Variants in HTR2B observed in about 807,000 individuals in gnomAD.
The protein encoded by HTR2B is 5-HT 2B receptor.
Under a neutral mutation model 39.8 loss-of-function variants are expected in HTR2B, and 31 were observed. That is an observed-to-expected ratio of 0.78 (90% confidence interval 0.58 to 1.05). The LOEUF is 1.05. Ranked by LOEUF, HTR2B falls within the 50% of genes least tolerant of loss-of-function variation. HTR2B has a pLI of 0.00. For synonymous variants in HTR2B, 210 were observed against 207.1 expected, an observed-to-expected ratio of 1.01 and a Z score of -0.12; for missense variants, 562 against 578.0, an observed-to-expected ratio of 0.97 and a Z score of 0.28.
Position 231,123,686 on chromosome 2 carries a change from T to G in HTR2B, c.79A>C (p.Ile27Leu), listed in dbSNP as rs1261970494. The part of the protein sequence containing the change: ...HILQSTFVHV[I>L]SSNWSGLQTE... ...TGTAATCCAGACCAGTTAGAAGAGA[T>G]AACGTGAACAAAGGTGCTCTGCAAA... is the stretch of plus-strand genomic sequence containing the variant. Residue 27 changes from isoleucine (I) to leucine (L), a missense_variant, in exon 2 of 4, where the codon ATC becomes CTC. Coordinates refer to ENST00000258400, the MANE Select transcript of HTR2B (RefSeq NM_000867.5). 4.3e-6 allele frequency: 7 copies of G among 1,614,104 alleles called. No individual in the cohort carries two copies. The highest frequency in any genetic ancestry group is 3.3e-5 in the Admixed American group (2 of 60,028).
At chr2:231,111,419 T>G (rs1305909823) in intron 3 of HTR2B, among the ~76,000 whole-genome samples, 1 of 152,226 alleles carries the variant, frequency 6.6e-6, no homozygotes, top group African/African-American at 2.4e-5. Flanking sequence ...TACATTCTGT[T>G]AATATCAGGA....
In HTR2B at chr2:231,113,767, G is replaced by A; in HGVS notation, c.515C>T (p.Ala172Val). The change falls in exon 3 of 4, where the codon GCA becomes GTA. Residue 172 changes from alanine to valine, a missense_variant. Transcript: ENST00000258400. The stretch of plus-strand genomic sequence containing the variant: ...CCACACCACTGTAATCTTGATGAAT[G>A]CTGTAGCCCGTGAGTTATATTGATT... ...QANQYNSRATAFIKITVVWLI... is the reference protein window; with the variant it reads ...QANQYNSRATVFIKITVVWLI... 1 of 1,614,092 alleles carries A rather than the reference G, an allele frequency of 6.2e-7. No individual in the cohort carries two copies. The highest frequency in any genetic ancestry group is 1.1e-5 in the South Asian group (1 of 91,090).
At chr2:231,123,381 G>C (rs1252668693) in intron 2 of HTR2B, 32 bp downstream of exon 2, 2 of 1,484,064 alleles carry the variant, frequency 1.3e-6, no homozygotes, top group South Asian at 2.3e-5. Context: ...TAGTTCTGTG[G>C]TTTGATGGCA....
chr2:231,118,526 G>A (rs1279140719), intron 2 of HTR2B, among the ~76,000 whole-genome samples: 1 of 152,138 alleles, frequency 6.6e-6, no homozygotes, highest in Non-Finnish European at 1.5e-5. Context: ...TTTATATACG[G>A]TACAGGAAAA....
At position 231,108,792 on chromosome 2, in the gene HTR2B, A is replaced by C; in HGVS notation, c.1171T>G (p.Phe391Val). 1 of 1,614,190 alleles carries C rather than the reference A, an allele frequency of 6.2e-7. No homozygotes were observed. Among genetic ancestry groups the C allele is most frequent in the Non-Finnish European group, 8.5e-7 (1 of 1,180,034 alleles). ...TLFNKTFRDAFGRYITCNYRA... is the reference protein window; with the variant it reads ...TLFNKTFRDAVGRYITCNYRA... Reference sequence around the variant, plus strand: ...TAATTGCAGGTGATATATCGGCCAAATGCATCCCGAAATGTCTTATTGAAG... The same window carrying C: ...TAATTGCAGGTGATATATCGGCCAACTGCATCCCGAAATGTCTTATTGAAG... Residue 391 changes from phenylalanine (F) to valine (V), a missense_variant, in exon 4 of 4, where the codon TTT becomes GTT. Transcript: ENST00000258400.
In HTR2B at chr2:231,109,030, CTT is replaced by C. The variant is rs1559233503; in HGVS notation, c.931_932del (p.Lys311ValfsTer40). The C allele has an allele frequency of 8.7e-6, 14 of 1,614,232 alleles. No individual in the cohort carries two copies. Among genetic ancestry groups the C allele is most frequent in the Non-Finnish European group, 1.1e-5 (13 of 1,180,036 alleles). On this transcript the variant is annotated frameshift_variant, in exon 4 of 4. Transcript: ENST00000258400. LOFTEE classifies it high-confidence loss of function. ...LMRRTSTIGK[K>X]SVQTISNEQR... The stretch of plus-strand genomic sequence containing the variant: ...GTTCGTTGGAAATGGTCTGCACTGA[CTT>C]TTTCCCAATTGTGGATGTTCTTCGC...
chr2:231,112,552 G>T (rs758723829), intron 3 of HTR2B, among the ~76,000 whole-genome samples: 49 of 152,146 alleles, frequency 3.2e-4, no homozygotes, highest in Non-Finnish European at 6.3e-4. Context: ...TTGCCCCAGT[G>T]CCCCTACTCA....
intron 1 of HTR2B, among the ~76,000 whole-genome samples, chr2:231,124,543 C>T (rs571376235): frequency 8.1e-4 from 123 of 151,352 alleles, no homozygotes; most frequent in South Asian, 1.7e-3. Flanking sequence ...TTTGTGAGTA[C>T]TGATATAAAT....
chr2:231,112,315 G>C (rs909262190), intron 3 of HTR2B, among the ~76,000 whole-genome samples: 1 of 152,098 alleles, frequency 6.6e-6, no homozygotes, highest in Admixed American at 6.5e-5. Context: ...GCTGCTTTTG[G>C]GGGGCTGGTT....
At position 231,123,831 on chromosome 2, in the gene HTR2B, C is replaced by T; in HGVS notation, c.-67G>A. ...CAGCATGGTTAGTAGCTAAGCTGCT[C>T]ATCTGTTTTTTTAAGGCATTGTAAC... is the stretch of plus-strand genomic sequence containing the variant. On this transcript the variant is annotated 5_prime_UTR_variant, in exon 2 of 4. It removes an upstream start codon present in the reference 5' UTR. Coordinates refer to ENST00000258400, the MANE Select transcript of HTR2B (RefSeq NM_000867.5). 7.3e-6 allele frequency: 9 copies of T among 1,236,104 alleles called. No homozygotes were observed. Among genetic ancestry groups the T allele is most frequent in the Non-Finnish European group, 1.1e-5 (9 of 837,646 alleles). The allele number at this position is 1,236,104 out of a possible 1,614,324, so 76.6% of individuals were successfully genotyped here.
rs138438043 is a variant in HTR2B, at chr2:231,112,227, A to T, written c.553+1502T>A. On this transcript the variant is annotated intron_variant, in intron 3 of 3. Coordinates refer to ENST00000258400, the MANE Select transcript of HTR2B (RefSeq NM_000867.5). ...TTACCAAATGTGAGTCATCTGGCAT[A>T]AATGACTTTATTATAGTTTTCCTCC... Among the ~76,000 whole-genome samples, 6 of 152,330 alleles carry T rather than the reference A, an allele frequency of 3.9e-5. No individual in the cohort carries two copies. In the East Asian group the frequency reaches 1.2e-3, roughly 29 times the overall value.
At chr2:231,121,154 TCTA>T (rs1446338872) in intron 2 of HTR2B, among the ~76,000 whole-genome samples, 1 of 152,200 alleles carries the variant, frequency 6.6e-6, no homozygotes, top group Non-Finnish European at 1.5e-5. Flanking sequence ...TTTTTAAAAA[TCTA>T]CAAACCCCAC....
chr2:231,109,326 G>A lies in HTR2B; in HGVS notation c.637C>T (p.Arg213Cys), dbSNP rs759758712. ...NNITCVLTKERFGDFMLFGSL... is the reference protein window; with the variant it reads ...NNITCVLTKECFGDFMLFGSL... The stretch of plus-strand genomic sequence containing the variant: ...CCAAAGAGCATGAAATCGCCAAAAC[G>A]TTCCTTTGTCAGCACACAAGTGATA... Residue 213 changes from arginine to cysteine, a missense_variant, in exon 4 of 4, where the codon CGT becomes TGT. By Grantham distance (180) the Arg-to-Cys change is radical. Coordinates refer to ENST00000258400, the MANE Select transcript of HTR2B (RefSeq NM_000867.5). 8 of 1,613,880 alleles carry A rather than the reference G, an allele frequency of 5.0e-6. No homozygotes were observed. Among genetic ancestry groups the A allele is most frequent in the East Asian group, 4.5e-5 (2 of 44,878 alleles).
intron 2 of HTR2B, among the ~76,000 whole-genome samples, chr2:231,115,119 A>G (rs1242194867): frequency 6.6e-6 from 1 of 152,134 alleles, no homozygotes; most frequent in African/African-American, 2.4e-5. Flanking sequence ...CAGAACAACA[A>G]GAGACTCTTC....
In HTR2B at chr2:231,109,449, G is replaced by A. The variant is rs1305486372; in HGVS notation, c.554-40C>T. ...AACAAGATAAATTGAGTCATTTTAT[G>A]ACCTGTAACTCTTCGATTAGATCCT... On this transcript the variant is annotated intron_variant, in intron 3 of 3. Transcript: ENST00000258400. 17 of 1,516,898 alleles carry A rather than the reference G, an allele frequency of 1.1e-5. No homozygotes were observed. The East Asian group carries it at 3.2e-4, about 28-fold the overall frequency. The allele number at this position is 1,516,898 out of a possible 1,614,324, so 94.0% of individuals were successfully genotyped here.
In HTR2B at chr2:231,114,039, T is replaced by C. The variant is rs1201647219; in HGVS notation, c.353-110A>G. On this transcript the variant is annotated intron_variant, in intron 2 of 3. Transcript: ENST00000258400. ...GTCTTTTTTGTTACTCATCTGAAAT[T>C]TTATAACTTTAACAACATAATGTTT... 1.9e-5 allele frequency: 15 copies of C among 809,760 alleles called. 1 individual carries two copies. Among genetic ancestry groups the C allele is most frequent in the Non-Finnish European group, 3.0e-5 (14 of 474,012 alleles). The allele number at this position is 809,760 out of a possible 1,614,324, so 50.2% of individuals were successfully genotyped here.
intron 3 of HTR2B, among the ~76,000 whole-genome samples, chr2:231,111,868 A>G (rs923825631): frequency 2.6e-5 from 4 of 152,154 alleles, no homozygotes; most frequent in Non-Finnish European, 5.9e-5. Flanking sequence ...ACTTTGTGTT[A>G]GTGTAATTTG....
At chr2:231,116,619 C>T (rs1695343456) in intron 2 of HTR2B, among the ~76,000 whole-genome samples, 1 of 151,654 alleles carries the variant, frequency 6.6e-6, no homozygotes, top group Non-Finnish European at 1.5e-5. Context: ...GATCCACATA[C>T]TCCTAATTGT....
intron 3 of HTR2B, among the ~76,000 whole-genome samples, chr2:231,111,740 G>A (rs1326609491): frequency 2.0e-5 from 3 of 152,172 alleles, no homozygotes; most frequent in Non-Finnish European, 4.4e-5. Flanking sequence ...GAGTTCTTAA[G>A]CCAACTGATT....
Sources: gnomAD v4.1 joint callset for allele counts (sites outside exome capture counted in the v4.1 genomes callset) on GRCh38, gnomAD v4.1.1 for gene constraint, MANE v1.5 for transcripts, NCBI Gene and HGNC (gene_info 2026-07-23, HGNC 2026-07-21) for gene names.